Variants in SHCBP1L observed in about 807,000 individuals in gnomAD.
SHCBP1L encodes the protein testicular spindle-associated protein SHCBP1L.
In SHCBP1L, 67 loss-of-function variants were observed where a neutral mutation model predicts 62.5. That is an observed-to-expected ratio of 1.07 (90% confidence interval 0.88 to 1.31). The LOEUF is 1.31. Ranked by LOEUF, SHCBP1L falls within the 40% of genes most tolerant of loss-of-function variation. The pLI, the probability that SHCBP1L is intolerant of heterozygous loss-of-function variation, is 0.00. For missense variants in SHCBP1L, 823 were observed against 809.8 expected, an observed-to-expected ratio of 1.02 and a Z score of -0.20; for synonymous variants, 284 against 289.4, an observed-to-expected ratio of 0.98 and a Z score of 0.19.
intron 2 of SHCBP1L, among the ~76,000 whole-genome samples, chr1:182,949,013 CA>C (rs1456687210): frequency 2.0e-5 from 3 of 152,108 alleles, no homozygotes; most frequent in Non-Finnish European, 4.4e-5. Context: ...TAGACCCTCA[CA>C]AATTCTAAAG....
At position 182,951,750 on chromosome 1, in the gene SHCBP1L, C is replaced by T. The variant is rs554112839; in HGVS notation, c.406-283G>A. On this transcript the variant is annotated intron_variant, in intron 1 of 9. Coordinates refer to ENST00000367547, the MANE Select transcript of SHCBP1L (RefSeq NM_030933.4). Reference sequence around the variant, plus strand: ...AATTTTCAACTTTTTATAAATATCACTGCAGTGAATATGCAGGTACACAAA... The same window carrying T: ...AATTTTCAACTTTTTATAAATATCATTGCAGTGAATATGCAGGTACACAAA... 5.0e-4 allele frequency among the ~76,000 whole-genome samples: 76 copies of T among 152,174 alleles called. 1 individual carries two copies. Among genetic ancestry groups the T allele is most frequent in the African/African-American group, 1.7e-3 (71 of 41,532 alleles).
chr1:182,949,664 T>A (rs1220142542), intron 2 of SHCBP1L, among the ~76,000 whole-genome samples: 1 of 150,416 alleles, frequency 6.6e-6, no homozygotes, highest in Non-Finnish European at 1.5e-5. Context: ...ACCACTGCAC[T>A]CCAGCCTGGG....
intron 6 of SHCBP1L, 76 bp downstream of exon 6, chr1:182,929,571 C>G: frequency 2.3e-6 from 2 of 877,202 alleles, no homozygotes; most frequent in Middle Eastern, 2.4e-4. Context: ...GACAAGGACT[C>G]CACCCTCAGG....
chr1:182,920,374 A>G (rs1248180160), intron 6 of SHCBP1L, among the ~76,000 whole-genome samples: 1 of 152,122 alleles, frequency 6.6e-6, no homozygotes, highest in Non-Finnish European at 1.5e-5. Flanking sequence ...CCTACCTTAT[A>G]CCACAGTAAA....
chr1:182,927,036 G>T (rs1650775484), intron 6 of SHCBP1L, among the ~76,000 whole-genome samples: 1 of 116,330 alleles, frequency 8.6e-6, no homozygotes, highest in African/African-American at 3.4e-5. Context: ...TAGAGCCCAT[G>T]CTCTTAACTA....
At chr1:182,926,399 A>G (rs1031230363) in intron 6 of SHCBP1L, among the ~76,000 whole-genome samples, 1 of 152,186 alleles carries the variant, frequency 6.6e-6, no homozygotes. Flanking sequence ...TGATGGCTAT[A>G]TTATTGGGAT....
At chr1:182,950,915 A>G (rs1221752528) in intron 2 of SHCBP1L, among the ~76,000 whole-genome samples, 1 of 151,970 alleles carries the variant, frequency 6.6e-6, no homozygotes, top group Non-Finnish European at 1.5e-5. Flanking sequence ...AAATTTTCCC[A>G]GTAGTTTTCT....
intron 6 of SHCBP1L, among the ~76,000 whole-genome samples, chr1:182,913,444 A>G (rs1052674036): frequency 1.3e-4 from 20 of 152,206 alleles, no homozygotes; most frequent in African/African-American, 4.6e-4. Context: ...AGAAAGCCCC[A>G]CATATTTTGG....
chr1:182,930,827 G>A (rs1163747691), intron 5 of SHCBP1L, among the ~76,000 whole-genome samples: 1 of 134,724 alleles, frequency 7.4e-6, no homozygotes, highest in Non-Finnish European at 1.5e-5. Context: ...CTGGGCTCAA[G>A]CAATCCTCCC....
chr1:182,931,248 C>A (rs12071339), intron 5 of SHCBP1L, among the ~76,000 whole-genome samples: 2 of 146,790 alleles, frequency 1.4e-5, no homozygotes, highest in Admixed American at 1.4e-4. Flanking sequence ...CATTCATACA[C>A]TTTTTTTTTT....
chr1:182,940,342 A>G lies in SHCBP1L; in HGVS notation c.757T>C (p.Leu253=), dbSNP rs1407341674. Reference sequence around the variant, plus strand: ...AGGCCCTAATACCTGACAACTTCCAAGGCCAAAGCAATAACATGTATATCA... The same window carrying G: ...AGGCCCTAATACCTGACAACTTCCAGGGCCAAAGCAATAACATGTATATCA... ...DTDIHVIALA[L]EVVRFFYDFL... Residue 253 remains leucine (L), a synonymous_variant, in exon 3 of 10, where the codon TTG becomes CTG. Coordinates refer to ENST00000367547, the MANE Select transcript of SHCBP1L (RefSeq NM_030933.4). 6.2e-7 allele frequency: 1 copy of G among 1,613,530 alleles called. No individual in the cohort carries two copies. The highest frequency in any genetic ancestry group is 8.5e-7 in the Non-Finnish European group (1 of 1,179,772).
At chr1:182,951,500 T>A in intron 1 of SHCBP1L, 33 bp from the exon 2 acceptor site, 1 of 1,415,024 alleles carries the variant, frequency 7.1e-7, no homozygotes, top group Non-Finnish European at 9.5e-7. Context: ...TACATATAAA[T>A]ATATGAAATT....
intron 6 of SHCBP1L, among the ~76,000 whole-genome samples, chr1:182,920,253 C>T (rs1312107374): frequency 2.0e-5 from 3 of 152,114 alleles, no homozygotes; most frequent in African/African-American, 7.2e-5. Context: ...AGAGAACAAA[C>T]CTGTGCTGTG....
At position 182,952,838 on chromosome 1, in the gene SHCBP1L, T is replaced by G; in HGVS notation, c.296A>C (p.Asp99Ala). 1.2e-6 allele frequency: 2 copies of G among 1,611,864 alleles called. No individual in the cohort carries two copies. The change falls in exon 1 of 10, where the codon GAT becomes GCT. Residue 99 changes from aspartate to alanine, a missense_variant. Physicochemically the swap from Asp to Ala is moderately radical, Grantham distance 126. Coordinates refer to ENST00000367547, the MANE Select transcript of SHCBP1L (RefSeq NM_030933.4). ...GGGCAGGGGCTGCGCCTCCTCTTCA[T>G]CCTCAGGCACTGGCAGCAGGGGCTC... ...AEEPLLPVPE[D>A]EEEAQPLPPV...
At chr1:182,930,703 G>GTGTGTATA (rs1463256863) in intron 5 of SHCBP1L, among the ~76,000 whole-genome samples, 28 of 14,278 alleles carry the variant, frequency 2.0e-3, no homozygotes, top group Non-Finnish European at 3.4e-3. Context: ...GTGTGTGTGT[G>GTGTGTATA]TATATATATA....
chr1:182,928,411 T>C (rs535169919), intron 6 of SHCBP1L, among the ~76,000 whole-genome samples: 3 of 152,246 alleles, frequency 2.0e-5, no homozygotes, highest in African/African-American at 7.2e-5. Context: ...AAGTGTTAAA[T>C]GTAGTCATGA....
At chr1:182,914,060 G>A (rs970983733) in intron 6 of SHCBP1L, among the ~76,000 whole-genome samples, 7 of 152,166 alleles carry the variant, frequency 4.6e-5, no homozygotes, top group African/African-American at 1.7e-4. Context: ...AATGCATTAA[G>A]TATAAGAGAT....
At chr1:182,924,974 G>GAAAGAAAGAAAGAA (rs1344712194) in intron 6 of SHCBP1L, among the ~76,000 whole-genome samples, 19 of 109,574 alleles carry the variant, frequency 1.7e-4, no homozygotes, top group Admixed American at 5.7e-4. Flanking sequence ...AAGAAAGAAA[G>GAAAGAAAGAAAGAA]AAAAAAAAAG....
intron 9 of SHCBP1L, 79 bp downstream of exon 9, chr1:182,902,960 A>T: frequency 8.6e-7 from 1 of 1,156,186 alleles, no homozygotes; most frequent in Non-Finnish European, 1.2e-6. Context: ...ACTGCCTTTT[A>T]AGACTAAAAC....
Sources: gnomAD v4.1 joint callset for allele counts (sites outside exome capture counted in the v4.1 genomes callset) on GRCh38, gnomAD v4.1.1 for gene constraint, MANE v1.5 for transcripts, NCBI Gene and HGNC (gene_info 2026-07-23, HGNC 2026-07-21) for gene names.